Variants in TCF4 observed in about 807,000 individuals in gnomAD.
TCF4 encodes SL3-3 enhancer factor 2.
Under a neutral mutation model 82.1 loss-of-function variants are expected in TCF4, and 3 were observed. The ratio of observed to expected loss-of-function variants is 0.04; its 90% CI spans 0.02 to 0.09. TCF4 has a LOEUF of 0.09. TCF4 is among the 10% of genes least tolerant of loss of function. The pLI, the probability that TCF4 is intolerant of heterozygous loss-of-function variation, is 1.00. For missense variants in TCF4, 518 were observed against 852.7 expected (o/e 0.61, Z 4.89); for synonymous variants, 276 against 309.6 (o/e 0.89, Z 1.14).
chr18:55,289,447 G>A (rs189213438), intron 8 of TCF4, among the ~76,000 whole-genome samples: 227 of 152,218 alleles, frequency 1.5e-3, no homozygotes, highest in Non-Finnish European at 1.7e-3. Flanking sequence ...ATTGCTTCTG[G>A]TTATCTTAAA....
intron 16 of TCF4, among the ~76,000 whole-genome samples, chr18:55,233,109 C>T (rs980362444): frequency 3.3e-5 from 5 of 152,108 alleles, no homozygotes; most frequent in African/African-American, 9.7e-5. Flanking sequence ...TCAATAGGTA[C>T]CCTAATGATA....
chr18:55,254,728 T>G, intron 14 of TCF4, 28 bp from the exon 15 acceptor site: 1 of 1,582,944 alleles, frequency 6.3e-7, no homozygotes, highest in Non-Finnish European at 8.6e-7. Context: ...ATGTAAAATT[T>G]GATTTAGTTC....
intron 3 of TCF4, among the ~76,000 whole-genome samples, chr18:55,527,309 A>G (rs576755722): frequency 1.3e-5 from 2 of 152,356 alleles, no homozygotes; most frequent in South Asian, 4.1e-4. Flanking sequence ...TCAGGTGAGC[A>G]GAGGGAGGGA....
intron 3 of TCF4, among the ~76,000 whole-genome samples, chr18:55,571,319 T>G (rs113055896): frequency 0.016 from 2,388 of 152,190 alleles, 25 homozygotes; most frequent in Non-Finnish European, 0.025. Flanking sequence ...TTTATAATCC[T>G]CCAAAACAAG....
chr18:55,387,927 T>A (rs2092733495), intron 6 of TCF4, among the ~76,000 whole-genome samples: 1 of 152,116 alleles, frequency 6.6e-6, no homozygotes, highest in Non-Finnish European at 1.5e-5. Context: ...GAATTTTACT[T>A]GTATTGTGTG....
chr18:55,261,579 C>T, intron 11 of TCF4, 46 bp from the exon 12 acceptor site: 1 of 1,605,532 alleles, frequency 6.2e-7, no homozygotes. Context: ...AGTGAGACGT[C>T]TAACAATTTT....
chr18:55,598,723 C>T (rs1376008086), intron 2 of TCF4, among the ~76,000 whole-genome samples: 2 of 152,212 alleles, frequency 1.3e-5, no homozygotes, highest in Non-Finnish European at 2.9e-5. Flanking sequence ...GAAAAGCCAT[C>T]AGGGTTGCGA....
intron 8 of TCF4, among the ~76,000 whole-genome samples, chr18:55,298,836 C>A (rs763060471): frequency 6.6e-6 from 1 of 152,076 alleles, no homozygotes; most frequent in Non-Finnish European, 1.5e-5. Flanking sequence ...ATACACCAAT[C>A]TCTACATCAT....
At chr18:55,489,931 C>T (rs1173684511) in intron 3 of TCF4, among the ~76,000 whole-genome samples, 2 of 152,196 alleles carry the variant, frequency 1.3e-5, no homozygotes, top group East Asian at 3.9e-4. Context: ...ACATTCAAAG[C>T]AGGTGGTTCT....
upstream of TCF4, chr18:55,589,983 T>C (rs2097681530): frequency 4.0e-6 from 1 of 249,934 alleles, no homozygotes; most frequent in Non-Finnish European, 6.4e-6. Context: ...CGGGTAGGCG[T>C]CGCGCGTGGG....
chr18:55,497,941 C>A (rs2096655649), intron 3 of TCF4, among the ~76,000 whole-genome samples: 1 of 152,170 alleles, frequency 6.6e-6, no homozygotes, highest in Admixed American at 6.5e-5. Context: ...AAAATTAATT[C>A]ATCACAGTGG....
intron 4 of TCF4, among the ~76,000 whole-genome samples, chr18:55,463,022 G>A (rs2095903018): frequency 6.6e-6 from 1 of 152,070 alleles, no homozygotes; most frequent in Non-Finnish European, 1.5e-5. Context: ...ATGCCAAAAT[G>A]GAACCTTCCC....
intron 11 of TCF4, among the ~76,000 whole-genome samples, chr18:55,262,706 A>G (rs933243504): frequency 1.3e-5 from 2 of 152,178 alleles, no homozygotes; most frequent in African/African-American, 4.8e-5. Flanking sequence ...GTCCAATTCT[A>G]TGGCTTTTCC....
chr18:55,506,812 CAT>C (rs1422968331), intron 3 of TCF4, among the ~76,000 whole-genome samples: 3 of 151,718 alleles, frequency 2.0e-5, no homozygotes, highest in South Asian at 4.2e-4. Context: ...CTAAGAGTAA[CAT>C]AGAACAATTA....
At chr18:55,501,724 G>A (rs1047317999) in intron 3 of TCF4, among the ~76,000 whole-genome samples, 11 of 151,616 alleles carry the variant, frequency 7.3e-5, no homozygotes. Context: ...AAAAACCTTC[G>A]CTGAAGAAAA....
chr18:55,223,414 G>A lies in TCF4; in HGVS notation c.*4621C>T, dbSNP rs78248109. On this transcript the variant is annotated 3_prime_UTR_variant, in exon 20 of 20. Transcript: ENST00000354452. ...TACAGAAGAGAATCATAGCTATATG[G>A]ACAATGCAAAATGAAATGAAACAAG... 1 of 152,694 alleles carries A rather than the reference G, an allele frequency of 6.5e-6. No individual in the cohort carries two copies. Among genetic ancestry groups the A allele is most frequent in the African/African-American group, 2.4e-5 (1 of 41,544 alleles). The allele number at this position is 152,694 out of a possible 1,614,324, so 9.5% of individuals were successfully genotyped here. A position where few individuals can be genotyped will look rare whatever the true frequency, so the allele number is the denominator to read the frequency against.
intron 2 of TCF4, among the ~76,000 whole-genome samples, chr18:55,600,919 G>T (rs559743651): frequency 6.6e-5 from 10 of 152,310 alleles, no homozygotes; most frequent in Admixed American, 5.2e-4. Flanking sequence ...ATCTGGAGAT[G>T]ATTTAAAGTA....
intron 2 of TCF4, among the ~76,000 whole-genome samples, chr18:55,629,706 G>A (rs1210611254): frequency 2.0e-5 from 3 of 152,124 alleles, no homozygotes; most frequent in South Asian, 2.1e-4. Flanking sequence ...GCTGTTCTTC[G>A]TAGAAGTACA....
chr18:55,564,032 G>T (rs563471769), intron 3 of TCF4, among the ~76,000 whole-genome samples: 3 of 152,154 alleles, frequency 2.0e-5, no homozygotes, highest in East Asian at 1.9e-4. Flanking sequence ...AATTCAGCAC[G>T]CACTGAACCA....
Sources: allele counts gnomAD v4.1 joint callset (sites outside exome capture counted in the v4.1 genomes callset), GRCh38; gene constraint gnomAD v4.1.1; transcripts MANE v1.5; gene names NCBI Gene and HGNC (gene_info 2026-07-23, HGNC 2026-07-21).